The following MAPK8IP3 variants were observed in gnomAD, a reference collection of about 807,000 sequenced individuals.
MAPK8IP3 encodes mitogen-activated protein kinase 8 interacting protein 3.
Under a neutral mutation model 157.8 loss-of-function variants are expected in MAPK8IP3, and 49 were observed. That is an observed-to-expected ratio of 0.31 (90% confidence interval 0.25 to 0.39). The LOEUF is 0.39. MAPK8IP3 is among the 10% of genes least tolerant of loss of function. The pLI is 1.00. For missense variants in MAPK8IP3, 1,478 were observed against 1,889.4 expected, an observed-to-expected ratio of 0.78 and a Z score of 4.04; for synonymous variants, 897 against 777.7, an observed-to-expected ratio of 1.15 and a Z score of -2.55.
At chr16:1,729,810 G>T (rs936516652) in intron 4 of MAPK8IP3, among the ~76,000 whole-genome samples, 1 of 152,110 alleles carries the variant, frequency 6.6e-6, no homozygotes, top group Non-Finnish European at 1.5e-5. Context: ...TGTCCCTTCT[G>T]CTCGGTCCAC....
In MAPK8IP3 at chr16:1,763,673, G is replaced by T. The variant is rs763939482; in HGVS notation, c.1915G>T (p.Ala639Ser). The T allele has an allele frequency of 6.3e-7, 1 of 1,580,254 alleles. No individual in the cohort carries two copies. The change falls in exon 17 of 32, where the codon GCC (alanine) becomes TCC (serine). Residue 639 changes from alanine to serine, a missense_variant. Coordinates refer to ENST00000610761, the MANE Select transcript of MAPK8IP3 (RefSeq NM_001318852.2). ...TCCACTCAGCGACTGCACGTCCTCC[G>T]CCCGTCGAGAGCAGAAGCGCGAGCA... is the stretch of plus-strand genomic sequence containing the variant. ...FFPDDDCTSS[A>S]RREQKREQYR...
rs563351788 is a variant in MAPK8IP3, at chr16:1,757,410, A to G, written c.1217-738A>G. Among the ~76,000 whole-genome samples the G allele has an allele frequency of 3.3e-5, 5 of 152,208 alleles. No homozygotes were observed. In the South Asian group the frequency reaches 1.0e-3, roughly 32 times the overall value. On this transcript the variant is annotated intron_variant, in intron 8 of 31. Coordinates refer to ENST00000610761, the MANE Select transcript of MAPK8IP3 (RefSeq NM_001318852.2). ...TGAGCCACCACGCCCTGCTCAAGTG[A>G]CTTTTTAATGCCATTTTCCTTTCTG...
Position 1,742,165 on chromosome 16 carries a change from C to G in MAPK8IP3, c.603-1167C>G, listed in dbSNP as rs1457183566. Reference sequence around the variant, plus strand: ...TCCAGCATCTGACCACGTGGCCTGCCCCCCAGACCTGAGGAGGTGAGGAGC... The same window carrying G: ...TCCAGCATCTGACCACGTGGCCTGCGCCCCAGACCTGAGGAGGTGAGGAGC... On this transcript the variant is annotated intron_variant, in intron 4 of 31. Coordinates refer to ENST00000610761, the MANE Select transcript of MAPK8IP3 (RefSeq NM_001318852.2). This position sits in a 1 kb window ranked among gnomAD's most constrained non-coding sequence, Gnocchi z 5.0. 2.0e-5 allele frequency among the ~76,000 whole-genome samples: 3 copies of G among 152,144 alleles called. No homozygotes were observed. The highest frequency in any genetic ancestry group is 7.2e-5 in the African/African-American group (3 of 41,416).
At position 1,743,303 on chromosome 16, in the gene MAPK8IP3, G is replaced by A. The variant is rs749590024; in HGVS notation, c.603-29G>A. ...TCTTCACGGCCACCCTCTAACCATC[G>A]CTTCCTCTCCTCTCGCCCCCCATTT... On this transcript the variant is annotated intron_variant, in intron 4 of 31. Coordinates refer to ENST00000610761, the MANE Select transcript of MAPK8IP3 (RefSeq NM_001318852.2). This position sits in a 1 kb window ranked among gnomAD's most constrained non-coding sequence, Gnocchi z 5.6. The A allele has an allele frequency of 5.2e-6, 8 of 1,527,382 alleles. No homozygotes were observed. The highest frequency in any genetic ancestry group is 4.3e-5 in the African/African-American group (3 of 69,596). 94.6% of individuals were successfully genotyped at this position (1,527,382 alleles called of 1,614,324 possible).
chr16:1,743,021 G>A lies in MAPK8IP3; in HGVS notation c.603-311G>A, dbSNP rs1479753901. ...GAGGCAGGAGAATGGCGTGAACCTG[G>A]GAGGTGGAACTTGCAGTGAGCCAAG... is the stretch of plus-strand genomic sequence containing the variant. On this transcript the variant is annotated intron_variant, in intron 4 of 31. Transcript: ENST00000610761. The surrounding 1 kb of genome is among the most constrained non-coding windows in gnomAD (Gnocchi z 5.6). 2.6e-5 allele frequency among the ~76,000 whole-genome samples: 4 copies of A among 152,068 alleles called. No homozygotes were observed.
intron 4 of MAPK8IP3, among the ~76,000 whole-genome samples, chr16:1,738,800 A>AC (rs1273046530): frequency 5.8e-4 from 65 of 111,292 alleles, no homozygotes; most frequent in Admixed American, 1.4e-3. Context: ...TGTGAGTGTG[A>AC]CCACCCATGT....
Position 1,729,174 on chromosome 16 carries a change from A to C in MAPK8IP3, c.476A>C (p.Lys159Thr). Residue 159 changes from lysine (K) to threonine (T), a missense_variant, in exon 3 of 32, where the codon AAG (lysine) becomes ACG (threonine). Coordinates refer to ENST00000610761, the MANE Select transcript of MAPK8IP3 (RefSeq NM_001318852.2). Reference sequence around the variant, plus strand: ...GAGGAGCGGGAGTCGGAGATGAAGAAGGAGTACAATGCCCTGCACCAGCGG... The same window carrying C: ...GAGGAGCGGGAGTCGGAGATGAAGACGGAGTACAATGCCCTGCACCAGCGG... ...RLEERESEMK[K>T]EYNALHQRHT... 6.2e-7 allele frequency: 1 copy of C among 1,614,080 alleles called. No homozygotes were observed. Among genetic ancestry groups the C allele is most frequent in the Non-Finnish European group, 8.5e-7 (1 of 1,180,018 alleles).
intron 4 of MAPK8IP3, among the ~76,000 whole-genome samples, chr16:1,735,875 G>A (rs917299937): frequency 1.5e-5 from 2 of 132,150 alleles, no homozygotes; most frequent in African/African-American, 5.9e-5. Context: ...GACCGTCCAT[G>A]GAGCATCTGT....
chr16:1,757,109 A>AT (rs527335217), intron 8 of MAPK8IP3, among the ~76,000 whole-genome samples: 48 of 149,770 alleles, frequency 3.2e-4, no homozygotes, highest in Middle Eastern at 3.2e-3. Context: ...ATCAAGTGAC[A>AT]TTTTTTTTTT....
At chr16:1,739,546 G>T (rs552752125) in intron 4 of MAPK8IP3, among the ~76,000 whole-genome samples, 1 of 137,616 alleles carries the variant, frequency 7.3e-6, no homozygotes, top group Non-Finnish European at 1.5e-5. Flanking sequence ...GACCATCCGT[G>T]TGAGCATCTG....
chr16:1,768,157 A>G, intron 29 of MAPK8IP3, 42 bp from the exon 30 acceptor site: 1 of 1,611,698 alleles, frequency 6.2e-7, no homozygotes. Flanking sequence ...CCCACTCTCC[A>G]CCTGTATGCG....
At position 1,743,882 on chromosome 16, in the gene MAPK8IP3, C is replaced by T; in HGVS notation, c.747+406C>T. The T allele has an allele frequency of 9.4e-7, 1 of 1,067,286 alleles. No homozygotes were observed. Among genetic ancestry groups the T allele is most frequent in the Non-Finnish European group, 1.1e-6 (1 of 881,118 alleles). 66.1% of individuals were successfully genotyped at this position (1,067,286 alleles called of 1,614,324 possible). The stretch of plus-strand genomic sequence containing the variant: ...TGCCCCTGAGAGCCACGCCTCTACT[C>T]TCGGAGGAACGTCAGTGTCTAGAGT... On this transcript the variant is annotated intron_variant, in intron 5 of 31. Transcript: ENST00000610761. The surrounding 1 kb of genome is among the most constrained non-coding windows in gnomAD (Gnocchi z 5.6).
intron 4 of MAPK8IP3, among the ~76,000 whole-genome samples, chr16:1,737,061 C>T (rs1360791237): frequency 2.9e-5 from 2 of 69,886 alleles, no homozygotes; most frequent in African/African-American, 5.7e-5. Flanking sequence ...TCCGTGTGAG[C>T]GTCCGTGTGA....
Position 1,760,062 on chromosome 16 carries a change from T to C in MAPK8IP3, c.1304+47T>C, listed in dbSNP as rs202228432. On this transcript the variant is annotated intron_variant, in intron 11 of 31. Coordinates refer to ENST00000610761, the MANE Select transcript of MAPK8IP3 (RefSeq NM_001318852.2). Reference sequence around the variant, plus strand: ...GTGGTGGGGCTGAGGCAGCCCTCCTTGTCAGGGCTGGGAGAGTGAGCCGGG... The same window carrying C: ...GTGGTGGGGCTGAGGCAGCCCTCCTCGTCAGGGCTGGGAGAGTGAGCCGGG... 275 of 1,602,122 alleles carry C rather than the reference T, an allele frequency of 1.7e-4. No homozygotes were observed. In the African/African-American group the frequency reaches 3.2e-3, roughly 19 times the overall value.
chr16:1,712,243 AG>A (rs1307063913), intron 1 of MAPK8IP3, among the ~76,000 whole-genome samples: 4 of 151,434 alleles, frequency 2.6e-5, no homozygotes, highest in African/African-American at 9.7e-5. Context: ...TTGTATTTTT[AG>A]TAGAGATGGG....
intron 4 of MAPK8IP3, among the ~76,000 whole-genome samples, chr16:1,732,707 T>C (rs2039396157): frequency 6.6e-6 from 1 of 151,882 alleles, no homozygotes; most frequent in East Asian, 1.9e-4. Flanking sequence ...GTGCCAGCCA[T>C]CCGCCCACCT....
At chr16:1,759,638 C>G (rs72761171) in intron 10 of MAPK8IP3, among the ~76,000 whole-genome samples, 8,667 of 152,280 alleles carry the variant, frequency 0.057, 295 homozygotes, top group South Asian at 0.088. Flanking sequence ...GTGGTGGCTC[C>G]GAGAGGGCCT....
Position 1,743,712 on chromosome 16 carries a change from C to A in MAPK8IP3, c.747+236C>A. 1 of 1,388,436 alleles carries A rather than the reference C, an allele frequency of 7.2e-7. No individual in the cohort carries two copies. The allele number at this position is 1,388,436 out of a possible 1,614,324, so 86.0% of individuals were successfully genotyped here. On this transcript the variant is annotated intron_variant, in intron 5 of 31. Coordinates refer to ENST00000610761, the MANE Select transcript of MAPK8IP3 (RefSeq NM_001318852.2). This position sits in a 1 kb window ranked among gnomAD's most constrained non-coding sequence, Gnocchi z 5.6. ...CGGCCTCGTGTCGGCACCTGCTAGTCCAGGCTAGACCTCCCTGCCCTTGGA... is the reference window on the plus strand; with the variant it reads ...CGGCCTCGTGTCGGCACCTGCTAGTACAGGCTAGACCTCCCTGCCCTTGGA...
At chr16:1,711,733 A>G (rs952682822) in intron 1 of MAPK8IP3, among the ~76,000 whole-genome samples, 2 of 152,076 alleles carry the variant, frequency 1.3e-5, no homozygotes, top group African/African-American at 4.8e-5. Flanking sequence ...TGAGGTAAGG[A>G]GTTCGAGACC....
Sources: gnomAD v4.1 joint callset for allele counts (sites outside exome capture counted in the v4.1 genomes callset) on GRCh38, gnomAD v4.1.1 for gene constraint, Gnocchi (gnomAD v3.1) non-coding constraint, MANE v1.5 for transcripts, NCBI Gene and HGNC (gene_info 2026-07-23, HGNC 2026-07-21) for gene names.